MINDY4: variants seen among roughly 807,000 people sequenced by gnomAD.
MINDY4 encodes the protein MINDY lysine 48 deubiquitinase 4.
Under a neutral mutation model 87.0 loss-of-function variants are expected in MINDY4, and 68 were observed. The ratio of observed to expected loss-of-function variants is 0.78; its 90% CI spans 0.64 to 0.96. The LOEUF is 0.96. MINDY4 is among the 40% of genes least tolerant of loss of function. The pLI is 0.00. For missense variants in MINDY4, 919 were observed against 928.2 expected, an observed-to-expected ratio of 0.99 and a Z score of 0.13; for synonymous variants, 379 against 363.2, an observed-to-expected ratio of 1.04 and a Z score of -0.50.
chr7:30,841,156 C>G (rs182702876), intron 9 of MINDY4, among the ~76,000 whole-genome samples: 1 of 152,314 alleles, frequency 6.6e-6, no homozygotes, highest in African/African-American at 2.4e-5. Flanking sequence ...TTCCACCCAC[C>G]AGGTCGACCT....
At chr7:30,836,469 C>G (rs572915301) in intron 6 of MINDY4, among the ~76,000 whole-genome samples, 189 bp from the exon 7 acceptor site, 3 of 152,350 alleles carry the variant, frequency 2.0e-5, no homozygotes, top group African/African-American at 7.2e-5. Context: ...CTCTCTTGAT[C>G]TGGTTGCTTT....
At chr7:30,822,911 TGAG>T (rs1466769658) in intron 5 of MINDY4, among the ~76,000 whole-genome samples, 1 of 152,140 alleles carries the variant, frequency 6.6e-6, no homozygotes, top group Non-Finnish European at 1.5e-5. Flanking sequence ...CCCAAAGGGC[TGAG>T]ATTACAGGTG....
chr7:30,889,011 G>T (rs1032888042), intron 17 of MINDY4, among the ~76,000 whole-genome samples: 1 of 152,146 alleles, frequency 6.6e-6, no homozygotes. Context: ...CTTTCTGAGT[G>T]GGGAGGGTAA....
At chr7:30,886,039 C>A (rs942174979) in intron 17 of MINDY4, among the ~76,000 whole-genome samples, 5 of 152,268 alleles carry the variant, frequency 3.3e-5, no homozygotes, top group Middle Eastern at 6.8e-3. Flanking sequence ...AGGGGTAAGT[C>A]CTGCTGTCTG....
At chr7:30,836,350 G>T (rs1191149754) in intron 6 of MINDY4, among the ~76,000 whole-genome samples, 1 of 152,194 alleles carries the variant, frequency 6.6e-6, no homozygotes, top group East Asian at 1.9e-4. Flanking sequence ...CCAGGCACTT[G>T]TTCCACTCTA....
chr7:30,884,238 C>T (rs534110862), intron 17 of MINDY4, among the ~76,000 whole-genome samples: 2 of 152,248 alleles, frequency 1.3e-5, no homozygotes, highest in African/African-American at 4.8e-5. Context: ...GGTGGAAACA[C>T]CAGGAAGGGG....
intron 5 of MINDY4, among the ~76,000 whole-genome samples, chr7:30,799,836 A>G (rs1787595553): frequency 6.6e-6 from 1 of 152,194 alleles, no homozygotes; most frequent in Non-Finnish European, 1.5e-5. Context: ...TGGGGTGAGG[A>G]AAGTGGAACT....
chr7:30,855,611 G>A (rs1290821290), intron 12 of MINDY4, among the ~76,000 whole-genome samples: 2 of 152,226 alleles, frequency 1.3e-5, no homozygotes, highest in Non-Finnish European at 2.9e-5. Flanking sequence ...ATGGACTGGG[G>A]TGGCCCCTCA....
In MINDY4 at chr7:30,771,561, C is replaced by G. The variant is rs541258040; in HGVS notation, c.63+5C>G. 204 of 1,591,446 alleles carry G rather than the reference C, an allele frequency of 1.3e-4. No individual in the cohort carries two copies. The South Asian group carries it at 2.2e-3, about 17-fold the overall frequency. On this transcript the variant is annotated splice_donor_5th_base_variant and intron_variant, in intron 1 of 17. Coordinates refer to ENST00000265299, the MANE Select transcript of MINDY4 (RefSeq NM_032222.3). Reference sequence around the variant, plus strand: ...AGGGAGTTCCTCAGCAGAAAGGTAACGGCTCGCCCCCTCCAAAGCCCAGGA... The same window carrying G: ...AGGGAGTTCCTCAGCAGAAAGGTAAGGGCTCGCCCCCTCCAAAGCCCAGGA...
At chr7:30,785,351 G>C (rs1787131531) in intron 3 of MINDY4, among the ~76,000 whole-genome samples, 3 of 151,918 alleles carry the variant, frequency 2.0e-5, no homozygotes, top group Non-Finnish European at 4.4e-5. Flanking sequence ...GGAATGCCAA[G>C]TTTGCTATGG....
At chr7:30,859,170 C>T in intron 12 of MINDY4, 87 bp from the exon 13 acceptor site, 1 of 1,374,444 alleles carries the variant, frequency 7.3e-7, no homozygotes. Flanking sequence ...GCAGGCTGCT[C>T]CCTGGGGTGT....
chr7:30,849,243 A>G (rs1584311664), intron 9 of MINDY4, among the ~76,000 whole-genome samples: 1 of 152,298 alleles, frequency 6.6e-6, no homozygotes, highest in East Asian at 1.9e-4. Context: ...ACAGTTCCGC[A>G]TGGAGCTCAG....
At chr7:30,796,136 T>C (rs1787481162) in intron 5 of MINDY4, among the ~76,000 whole-genome samples, 1 of 150,776 alleles carries the variant, frequency 6.6e-6, no homozygotes, top group African/African-American at 2.4e-5. Flanking sequence ...TTTTTTTTTG[T>C]CTCACTATGG....
intron 6 of MINDY4, among the ~76,000 whole-genome samples, chr7:30,829,400 G>GAGGC: frequency 6.6e-6 from 1 of 152,236 alleles, no homozygotes; most frequent in East Asian, 1.9e-4. Context: ...GTGAGAGGAT[G>GAGGC]AGGCTTGAGT....
chr7:30,890,155 T>C (rs1346143438), intron 17 of MINDY4, among the ~76,000 whole-genome samples: 2 of 152,238 alleles, frequency 1.3e-5, no homozygotes, highest in Non-Finnish European at 2.9e-5. Context: ...CAGTGTAACA[T>C]TCCTGGCTGA....
chr7:30,840,038 T>A (rs1788985366), intron 8 of MINDY4, among the ~76,000 whole-genome samples: 1 of 152,102 alleles, frequency 6.6e-6, no homozygotes, highest in Non-Finnish European at 1.5e-5. Flanking sequence ...CTTCTGTCCC[T>A]CCCTCTTGTG....
chr7:30,843,548 A>G (rs917207489), intron 9 of MINDY4, among the ~76,000 whole-genome samples: 35 of 143,216 alleles, frequency 2.4e-4, no homozygotes, highest in African/African-American at 9.5e-4. Flanking sequence ...ATGTTCCAGG[A>G]AGAGCCGACT....
intron 13 of MINDY4, 79 bp from the exon 14 acceptor site, chr7:30,872,164 G>C (rs997191908): frequency 7.5e-7 from 1 of 1,326,414 alleles, no homozygotes; most frequent in Non-Finnish European, 1.1e-6. Context: ...GGAACCTAAG[G>C]GGAGCGCCTG....
chr7:30,878,129 G>T, intron 15 of MINDY4, among the ~76,000 whole-genome samples: 1 of 152,008 alleles, frequency 6.6e-6, no homozygotes, highest in South Asian at 2.1e-4. Context: ...CCTTGCTCTG[G>T]CCTGGCCTGG....
Sources: gnomAD v4.1 joint callset for allele counts (sites outside exome capture counted in the v4.1 genomes callset) on GRCh38, gnomAD v4.1.1 for gene constraint, MANE v1.5 for transcripts, NCBI Gene and HGNC (gene_info 2026-07-23, HGNC 2026-07-21) for gene names.